The following DYNC2H1 variants were observed in gnomAD, a reference collection of about 807,000 sequenced individuals.
The protein encoded by DYNC2H1 is cytoplasmic dynein 2 heavy chain 1.
A neutral mutation model predicts 570.0 loss-of-function variants in DYNC2H1; 410 were observed. That is an observed-to-expected ratio of 0.72 (90% CI 0.66 to 0.78). The LOEUF is 0.78. Among genes scored for constraint, DYNC2H1 ranks in the 30% least tolerant of loss-of-function variants. The pLI is 0.00. For synonymous variants in DYNC2H1, 1,688 were observed against 1,677.6 expected (o/e 1.01, Z -0.15); for missense variants, 4,865 against 5,046.4 (o/e 0.96, Z 1.09).
chr11:103,121,584 T>G (rs1858716170), intron 10 of DYNC2H1, 88 bp downstream of exon 10: 1 of 1,366,364 alleles, frequency 7.3e-7, no homozygotes, highest in Non-Finnish European at 9.8e-7. Context: ...CTGTAGTAAA[T>G]ATATTCTCTG....
chr11:103,291,152 G>A (rs958046417), intron 75 of DYNC2H1, among the ~76,000 whole-genome samples: 2 of 152,114 alleles, frequency 1.3e-5, no homozygotes, highest in Non-Finnish European at 2.9e-5. Context: ...AATTTGTAAA[G>A]TGCAGCTGGG....
At position 103,143,196 on chromosome 11, in the gene DYNC2H1, A is replaced by C. The variant is rs547772986; in HGVS notation, c.2575-72A>C. 2.4e-3 allele frequency: 3,630 copies of C among 1,501,940 alleles called. 11 individuals are homozygous for C. The highest frequency in any genetic ancestry group is 2.9e-3 in the Non-Finnish European group (3,240 of 1,100,278). 93.0% of individuals were successfully genotyped at this position (1,501,940 alleles called of 1,614,324 possible). ...CTCTTTTTATTGGTTTTAATAGTTG[A>C]ATCCTATTCTATTATATGTTAACAT... On this transcript the variant is annotated intron_variant, in intron 17 of 88. Transcript: ENST00000375735.
At chr11:103,376,202 A>G (rs1025772251) in intron 83 of DYNC2H1, among the ~76,000 whole-genome samples, 2 of 152,216 alleles carry the variant, frequency 1.3e-5, no homozygotes, top group African/African-American at 2.4e-5. Flanking sequence ...CTCCCCAGCC[A>G]GGCAGAGATG....
In DYNC2H1 at chr11:103,255,450, T is replaced by C. The variant is rs1476077752; in HGVS notation, c.10242T>C (p.Asp3414=). The change falls in exon 67 of 89, where the codon GAT becomes GAC. Residue 3414 remains aspartate, a synonymous_variant. Transcript: ENST00000375735. The part of the protein sequence containing the change: ...LALTIQHEKP[D]LEEQKTKLLQ... Reference sequence around the variant, plus strand: ...TAACCATTCAGCATGAGAAACCTGATTTAGAAGAACAGAAAACAAAACTAT... The same window carrying C: ...TAACCATTCAGCATGAGAAACCTGACTTAGAAGAACAGAAAACAAAACTAT... 7 of 1,568,258 alleles carry C rather than the reference T, an allele frequency of 4.5e-6. No homozygotes were observed. Among genetic ancestry groups the C allele is most frequent in the Non-Finnish European group, 6.1e-6 (7 of 1,155,590 alleles).
chr11:103,343,615 A>G (rs1165043088), intron 82 of DYNC2H1, among the ~76,000 whole-genome samples: 2 of 152,164 alleles, frequency 1.3e-5, no homozygotes, highest in African/African-American at 4.8e-5. Flanking sequence ...CTTCCTATTC[A>G]TATGACGAGA....
chr11:103,382,972 C>A (rs1941717918), intron 83 of DYNC2H1, among the ~76,000 whole-genome samples: 1 of 152,126 alleles, frequency 6.6e-6, no homozygotes, highest in Non-Finnish European at 1.5e-5. Flanking sequence ...CAGCTACCTC[C>A]CCTAGAGCTA....
chr11:103,170,032 C>G lies in DYNC2H1; in HGVS notation c.4969-76C>G. On this transcript the variant is annotated intron_variant, in intron 32 of 88. Coordinates refer to ENST00000375735, the MANE Select transcript of DYNC2H1 (RefSeq NM_001377.3). This position sits in a 1 kb window ranked among gnomAD's most constrained non-coding sequence, Gnocchi z 4.8. ...TGTTGCATTTTTATCTTTTTAACTA[C>G]AATCTCATGCTGTAAAAATATTTGT... 2 of 1,278,410 alleles carry G rather than the reference C, an allele frequency of 1.6e-6. No individual in the cohort carries two copies. The highest frequency in any genetic ancestry group is 1.9e-4 in the Middle Eastern group (1 of 5,168). The allele number at this position is 1,278,410 out of a possible 1,614,324, so 79.2% of individuals were successfully genotyped here.
chr11:103,466,066 G>C (rs549376197), intron 87 of DYNC2H1, among the ~76,000 whole-genome samples: 2 of 152,142 alleles, frequency 1.3e-5, no homozygotes, highest in East Asian at 1.9e-4. Context: ...AGTTGAGACA[G>C]TATGGTGCTG....
chr11:103,175,951 C>T (rs1861789530), intron 36 of DYNC2H1, among the ~76,000 whole-genome samples: 1 of 152,052 alleles, frequency 6.6e-6, no homozygotes, highest in Admixed American at 6.6e-5. Context: ...AAGTACTATG[C>T]AAATATTAGT....
At chr11:103,136,795 A>C (rs374071049) in intron 17 of DYNC2H1, among the ~76,000 whole-genome samples, 6 of 152,290 alleles carry the variant, frequency 3.9e-5, no homozygotes, top group Middle Eastern at 3.4e-3. Context: ...CCTGAGGAAT[A>C]GCCACACTGA....
chr11:103,128,803 T>C, intron 12 of DYNC2H1, 107 bp from the exon 13 acceptor site: 1 of 992,364 alleles, frequency 1.0e-6, no homozygotes, highest in Non-Finnish European at 1.5e-6. Context: ...CAATTTTCTG[T>C]TTAAATTTTA....
chr11:103,475,934 C>G lies in DYNC2H1; in HGVS notation c.12766-3161C>G, dbSNP rs191278411. Among the ~76,000 whole-genome samples the G allele has an allele frequency of 2.1e-4, 32 of 152,192 alleles. 1 individual carries two copies. The highest frequency in any genetic ancestry group is 7.5e-4 in the African/African-American group (31 of 41,546). ...GTGGTGTTTCTATTTCAGTTTTGATCATAGAAGTAATGGAAAACAAAGCAA... is the reference window on the plus strand; with the variant it reads ...GTGGTGTTTCTATTTCAGTTTTGATGATAGAAGTAATGGAAAACAAAGCAA... On this transcript the variant is annotated intron_variant, in intron 88 of 88. Transcript: ENST00000375735.
intron 88 of DYNC2H1, among the ~76,000 whole-genome samples, chr11:103,475,438 C>T (rs1945520626): frequency 6.6e-6 from 1 of 152,106 alleles, no homozygotes; most frequent in African/African-American, 2.4e-5. Context: ...TAATTTAATT[C>T]AGTTAAGGAG....
intron 85 of DYNC2H1, among the ~76,000 whole-genome samples, chr11:103,437,039 A>G (rs570715112): frequency 2.1e-4 from 32 of 152,238 alleles, no homozygotes; most frequent in Admixed American, 1.2e-3. Flanking sequence ...CGGTTCAGAT[A>G]CAGTGGATGG....
chr11:103,390,023 C>A (rs575568657), intron 83 of DYNC2H1, among the ~76,000 whole-genome samples: 1 of 152,142 alleles, frequency 6.6e-6, no homozygotes. Flanking sequence ...CCACTTGGTG[C>A]AGAGCTGAGT....
In DYNC2H1 at chr11:103,164,458, G is replaced by A. The variant is rs527575487; in HGVS notation, c.4611+1311G>A. ...CATAAGGGAATTGAGTAGCATAATTGGCTATTATGTACTGATAATTCAGTT... is the reference window on the plus strand; with the variant it reads ...CATAAGGGAATTGAGTAGCATAATTAGCTATTATGTACTGATAATTCAGTT... On this transcript the variant is annotated intron_variant, in intron 30 of 88. Coordinates refer to ENST00000375735, the MANE Select transcript of DYNC2H1 (RefSeq NM_001377.3). Among the ~76,000 whole-genome samples, 41 of 152,246 alleles carry A rather than the reference G, an allele frequency of 2.7e-4. No homozygotes were observed. In the South Asian group the frequency reaches 8.5e-3, roughly 32 times the overall value.
chr11:103,253,398 A>G lies in DYNC2H1; in HGVS notation c.10156A>G (p.Ile3386Val), dbSNP rs765753338. Reference sequence around the variant, plus strand: ...TTTTATTCCACCGGATGCAGCTTCCATTGTTACTGAGGTTAACTTTACTAC... The same window carrying G: ...TTTTATTCCACCGGATGCAGCTTCCGTTGTTACTGAGGTTAACTTTACTAC... The part of the protein sequence containing the change: ...NPFIPPDAAS[I>V]VTEVNFTTTR... The change falls in exon 66 of 89, where the codon ATT (isoleucine) becomes GTT (valine). Residue 3386 changes from isoleucine (I) to valine (V), a missense_variant. By Grantham distance (29) the Ile-to-Val change is conservative. Transcript: ENST00000375735. The G allele has an allele frequency of 9.9e-6, 16 of 1,613,260 alleles. No homozygotes were observed. Among genetic ancestry groups the G allele is most frequent in the Admixed American group, 3.3e-5 (2 of 59,976 alleles).
chr11:103,204,733 T>A lies in DYNC2H1; in HGVS notation c.8312-89T>A. The A allele has an allele frequency of 6.5e-6, 6 of 929,766 alleles. No homozygotes were observed. The South Asian group carries it at 1.1e-4, about 18-fold the overall frequency. 57.6% of individuals were successfully genotyped at this position (929,766 alleles called of 1,614,324 possible). A position where few individuals can be genotyped will look rare whatever the true frequency, so the allele number is the denominator to read the frequency against. Reference sequence around the variant, plus strand: ...TGTGCTCGTTTTAAGAAACAACTCCTACTATTTCATTTGAGAAAATTTTGA... The same window carrying A: ...TGTGCTCGTTTTAAGAAACAACTCCAACTATTTCATTTGAGAAAATTTTGA... On this transcript the variant is annotated intron_variant, in intron 51 of 88. Coordinates refer to ENST00000375735, the MANE Select transcript of DYNC2H1 (RefSeq NM_001377.3). The surrounding 1 kb of genome is among the most constrained non-coding windows in gnomAD (Gnocchi z 4.1).
intron 18 of DYNC2H1, among the ~76,000 whole-genome samples, 162 bp from the exon 19 acceptor site, chr11:103,147,610 G>A (rs1348301232): frequency 6.6e-6 from 1 of 151,956 alleles, no homozygotes; most frequent in Non-Finnish European, 1.5e-5. Flanking sequence ...GTATGTATAA[G>A]GCATTTTTGC....
Sources: allele counts gnomAD v4.1 joint callset (sites outside exome capture counted in the v4.1 genomes callset), GRCh38; gene constraint gnomAD v4.1.1; non-coding constraint Gnocchi (gnomAD v3.1); transcripts MANE v1.5; gene names NCBI Gene and HGNC (gene_info 2026-07-23, HGNC 2026-07-21).